The following HS6ST3 variants were observed in gnomAD, a reference collection of about 807,000 sequenced individuals.
The protein encoded by HS6ST3 is heparan sulfate 6-O-sulfotransferase 3.
HS6ST3 carries 12 observed loss-of-function variants against 36.7 expected under a neutral mutation model. That is an observed-to-expected ratio of 0.33 (90% CI 0.21 to 0.53). The LOEUF (loss-of-function observed/expected upper bound fraction) is 0.53. Among genes scored for constraint, HS6ST3 ranks in the 20% least tolerant of loss-of-function variants. The probability of loss-of-function intolerance (pLI) is 0.95; values close to 1 mark genes in which losing one functional copy is unlikely to be tolerated. For missense variants in HS6ST3, 584 were observed against 640.9 expected, an observed-to-expected ratio of 0.91 and a Z score of 0.96; for synonymous variants, 240 against 257.5, an observed-to-expected ratio of 0.93 and a Z score of 0.65.
chr13:96,528,102 T>C (rs1399830554), intron 1 of HS6ST3, among the ~76,000 whole-genome samples: 2 of 152,298 alleles, frequency 1.3e-5, no homozygotes, highest in East Asian at 1.9e-4. Context: ...TACACATCTT[T>C]TTAACATTCT....
At chr13:96,652,734 A>G (rs2056611889) in intron 1 of HS6ST3, among the ~76,000 whole-genome samples, 1 of 152,128 alleles carries the variant, frequency 6.6e-6, no homozygotes, top group South Asian at 2.1e-4. Context: ...TAATGCCTCC[A>G]GTCTTTGAGG....
intron 1 of HS6ST3, among the ~76,000 whole-genome samples, chr13:96,246,632 C>T (rs1003703270): frequency 2.6e-5 from 4 of 152,096 alleles, no homozygotes; most frequent in African/African-American, 9.7e-5. Flanking sequence ...CTCTAAATTC[C>T]AGAAATACAG....
chr13:96,756,342 G>A (rs1594852982), intron 1 of HS6ST3, among the ~76,000 whole-genome samples: 2 of 151,978 alleles, frequency 1.3e-5, no homozygotes, highest in Admixed American at 6.6e-5. Flanking sequence ...CTTCATTTTG[G>A]TGAGCAGAAA....
intron 1 of HS6ST3, among the ~76,000 whole-genome samples, chr13:96,774,646 G>A (rs1877344802): frequency 6.6e-6 from 1 of 152,046 alleles, no homozygotes; most frequent in African/African-American, 2.4e-5. Context: ...ATAATGAAAA[G>A]GAATGAACAA....
chr13:96,097,140 AAT>A (rs1401942891), intron 1 of HS6ST3, among the ~76,000 whole-genome samples: 2 of 152,166 alleles, frequency 1.3e-5, no homozygotes, highest in East Asian at 3.8e-4. Context: ...GGTAAATGGT[AAT>A]AGATGATTTA....
intron 1 of HS6ST3, among the ~76,000 whole-genome samples, chr13:96,824,261 G>A (rs1244689696): frequency 6.6e-6 from 1 of 152,210 alleles, no homozygotes; most frequent in Admixed American, 6.5e-5. Context: ...GCCGTGCGAC[G>A]CACATGGCTT....
intron 1 of HS6ST3, among the ~76,000 whole-genome samples, chr13:96,544,297 TCTGAAAACTATGTAATATA>T (rs1381573834): frequency 6.6e-6 from 1 of 152,198 alleles, no homozygotes; most frequent in Non-Finnish European, 1.5e-5. Context: ...TGCAAGGGCA[TCTGAAAACTATGTAATATA>T]ATGAACTGTT....
rs2056666808 is a variant in HS6ST3 at position 96,667,153 on chromosome 13, A to T, written c.708-165337A>T. On this transcript the variant is annotated intron_variant, in intron 1 of 1. Transcript: ENST00000376705. Reference sequence around the variant, plus strand: ...TTGCTAATGCAAAATTCTATAAATCATATTGAATATGAATTAAAACTACAT... The same window carrying T: ...TTGCTAATGCAAAATTCTATAAATCTTATTGAATATGAATTAAAACTACAT... Among the ~76,000 whole-genome samples, 2 of 152,244 alleles carry T rather than the reference A, an allele frequency of 1.3e-5. 1 individual carries two copies. The highest frequency in any genetic ancestry group is 4.1e-4 in the South Asian group (2 of 4,836).
At chr13:96,470,348 C>T (rs757678018) in intron 1 of HS6ST3, among the ~76,000 whole-genome samples, 1 of 152,166 alleles carries the variant, frequency 6.6e-6, no homozygotes, top group Non-Finnish European at 1.5e-5. Context: ...ATAATTTCCT[C>T]TCAAACAGTT....
chr13:96,622,662 A>C (rs1566413751), intron 1 of HS6ST3, among the ~76,000 whole-genome samples: 2 of 152,146 alleles, frequency 1.3e-5, no homozygotes, highest in African/African-American at 4.8e-5. Context: ...TGTACTATCT[A>C]CTTTTCCCAC....
chr13:96,780,114 CAG>C (rs1283470612), intron 1 of HS6ST3, among the ~76,000 whole-genome samples: 2 of 152,012 alleles, frequency 1.3e-5, no homozygotes, highest in African/African-American at 2.4e-5. Context: ...GATTTGTAAA[CAG>C]AACTGGGAGA....
chr13:96,578,279 G>T (rs1418139518), intron 1 of HS6ST3, among the ~76,000 whole-genome samples: 1 of 152,214 alleles, frequency 6.6e-6, no homozygotes, highest in South Asian at 2.1e-4. Context: ...AAGCAGTCTG[G>T]AAGTGTATGG....
chr13:96,276,927 CT>C (rs2054751441), intron 1 of HS6ST3, among the ~76,000 whole-genome samples: 1 of 152,192 alleles, frequency 6.6e-6, no homozygotes, highest in Admixed American at 6.5e-5. Flanking sequence ...AAACAACAGT[CT>C]TGCAGTTCTG....
chr13:96,366,151 T>G (rs986696544), intron 1 of HS6ST3, among the ~76,000 whole-genome samples: 2 of 152,332 alleles, frequency 1.3e-5, no homozygotes, highest in South Asian at 4.1e-4. Flanking sequence ...ATATGTAAAT[T>G]AAAATTTTTC....
intron 1 of HS6ST3, among the ~76,000 whole-genome samples, chr13:96,662,747 ATCATT>A (rs2056650763): frequency 1.3e-5 from 2 of 152,060 alleles, no homozygotes; most frequent in Non-Finnish European, 2.9e-5. Flanking sequence ...TGGAGAAGCT[ATCATT>A]TTTTAATTTT....
chr13:96,287,830 T>TG lies in HS6ST3; in HGVS notation c.707+196261_707+196262insG, dbSNP rs1468915764. On this transcript the variant is annotated intron_variant, in intron 1 of 1. Transcript: ENST00000376705. ...ATGAAAAAAATCATAGCAACTAACA[T>TG]TTAGTTGCTATGTGCTAGGCTCTCT... is the stretch of plus-strand genomic sequence containing the variant. Among the ~76,000 whole-genome samples the TG allele has an allele frequency of 9.4e-3, 1,436 of 152,248 alleles. 24 individuals are homozygous for TG. Among genetic ancestry groups the TG allele is most frequent in the African/African-American group, 0.033 (1,365 of 41,542 alleles).
chr13:96,531,762 T>A (rs1285471688), intron 1 of HS6ST3, among the ~76,000 whole-genome samples: 2 of 152,212 alleles, frequency 1.3e-5, no homozygotes, highest in Non-Finnish European at 2.9e-5. Flanking sequence ...CTTTTCTTAT[T>A]GTAAAAGCCA....
intron 1 of HS6ST3, among the ~76,000 whole-genome samples, chr13:96,659,076 T>C (rs1167803688): frequency 6.6e-6 from 1 of 152,242 alleles, no homozygotes; most frequent in East Asian, 1.9e-4. Context: ...GAAAAATATA[T>C]GTAGCTTAAG....
intron 1 of HS6ST3, among the ~76,000 whole-genome samples, chr13:96,824,129 C>T (rs992500416): frequency 6.6e-6 from 1 of 152,234 alleles, no homozygotes; most frequent in East Asian, 1.9e-4. Flanking sequence ...CTTCTATCCC[C>T]TCATCTTACC....
Sources: gnomAD v4.1 joint callset for allele counts (sites outside exome capture counted in the v4.1 genomes callset) on GRCh38, gnomAD v4.1.1 for gene constraint, MANE v1.5 for transcripts, NCBI Gene and HGNC (gene_info 2026-07-23, HGNC 2026-07-21) for gene names.